PRKG1: variants seen among roughly 807,000 people sequenced by gnomAD.
The protein encoded by PRKG1 is cGMP-dependent protein kinase 1.
Under a neutral mutation model 88.1 loss-of-function variants are expected in PRKG1, and 35 were observed. The ratio of observed to expected loss-of-function variants is 0.40; its 90% CI spans 0.30 to 0.53. PRKG1 has a LOEUF of 0.53. PRKG1 is among the 20% of genes least tolerant of loss of function. The pLI, the probability that PRKG1 is intolerant of heterozygous loss-of-function variation, is 0.59. For missense variants in PRKG1, 540 were observed against 839.8 expected, an observed-to-expected ratio of 0.64 and a Z score of 4.41; for synonymous variants, 303 against 292.5, an observed-to-expected ratio of 1.04 and a Z score of -0.37.
chr10:51,649,849 C>A (rs1168481218), intron 3 of PRKG1, among the ~76,000 whole-genome samples: 2 of 152,208 alleles, frequency 1.3e-5, no homozygotes, highest in African/African-American at 4.8e-5. Context: ...CGCAATCAGT[C>A]TGATTGGTTG....
chr10:51,814,058 GT>G (rs1267351304), intron 4 of PRKG1, among the ~76,000 whole-genome samples: 1 of 152,154 alleles, frequency 6.6e-6, no homozygotes, highest in Non-Finnish European at 1.5e-5. Flanking sequence ...CAGGATCAGT[GT>G]CTTCTGCAGA....
chr10:51,698,909 C>T lies in PRKG1; in HGVS notation c.593-105676C>T, dbSNP rs750365324. ...GCAGAGCCCAGGGCCAGGGCCAGGG[C>T]CAGGGCCAGAGACAGACACAGACTG... On this transcript the variant is annotated intron_variant, in intron 3 of 17. Coordinates refer to ENST00000373980, the MANE Select transcript of PRKG1 (RefSeq NM_006258.4). 1.1e-5 allele frequency: 17 copies of T among 1,613,796 alleles called. No homozygotes were observed. In the East Asian group the frequency reaches 3.6e-4, roughly 34 times the overall value.
chr10:51,498,125 C>T (rs1045728144), intron 3 of PRKG1, among the ~76,000 whole-genome samples: 14 of 152,134 alleles, frequency 9.2e-5, no homozygotes, highest in Admixed American at 6.5e-4. Flanking sequence ...AGAACCTATT[C>T]GGTGTCAAGC....
intron 5 of PRKG1, among the ~76,000 whole-genome samples, chr10:52,040,192 C>A (rs960428321): frequency 6.6e-6 from 1 of 152,158 alleles, no homozygotes; most frequent in Non-Finnish European, 1.5e-5. Context: ...ATACATTTGA[C>A]CTGCTCCACT....
intron 7 of PRKG1, among the ~76,000 whole-genome samples, chr10:52,080,727 T>C (rs1904025): frequency 0.18 from 27,884 of 152,116 alleles, 3,188 homozygotes; most frequent in South Asian, 0.33. Flanking sequence ...TATTTTCTCC[T>C]TTTTTTATTA....
At chr10:51,420,128 TG>T (rs1838367661) in intron 2 of PRKG1, among the ~76,000 whole-genome samples, 1 of 152,066 alleles carries the variant, frequency 6.6e-6, no homozygotes, top group African/African-American at 2.4e-5. Context: ...AAATGGAAAC[TG>T]GGGGAGACCT....
At chr10:50,999,381 A>T (rs536043158) in intron 1 of PRKG1, among the ~76,000 whole-genome samples, 32 of 152,326 alleles carry the variant, frequency 2.1e-4, no homozygotes, top group African/African-American at 7.5e-4. Flanking sequence ...TGACTACTGT[A>T]ATCAGCTTGT....
At chr10:51,970,780 G>GATTATATAT (rs1843694866) in intron 5 of PRKG1, among the ~76,000 whole-genome samples, 2 of 142,526 alleles carry the variant, frequency 1.4e-5, no homozygotes, top group African/African-American at 5.2e-5. Flanking sequence ...ATATATATCA[G>GATTATATAT]ATATATCAGA....
In PRKG1 at chr10:51,885,676, A is replaced by G. The variant is rs530928808; in HGVS notation, c.699-21831A>G. Among the ~76,000 whole-genome samples, 55 of 152,240 alleles carry G rather than the reference A, an allele frequency of 3.6e-4. 2 individuals are homozygous for G. The East Asian group carries it at 0.01, about 28-fold the overall frequency. ...TGTTTCACACCTCCGTGTCTTTATT[A>G]TACTCTGTTCCCAGTTCTGGAATGC... On this transcript the variant is annotated intron_variant, in intron 4 of 17. Coordinates refer to ENST00000373980, the MANE Select transcript of PRKG1 (RefSeq NM_006258.4).
rs762476637 is a variant in PRKG1 at position 51,214,724 on chromosome 10, C to T, written c.478+61394C>T. On this transcript the variant is annotated intron_variant, in intron 2 of 17. Transcript: ENST00000373980. ...AACCGCTGAGCTCAAGCAGTCCTCC[C>T]GCTTGGCCTGCCAAAGTGCTGGGAT... Among the ~76,000 whole-genome samples, 15 of 152,078 alleles carry T rather than the reference C, an allele frequency of 9.9e-5. No homozygotes were observed. In the East Asian group the frequency reaches 1.5e-3, roughly 16 times the overall value.
chr10:51,099,409 A>ACACACACACACT (rs1464228719), intron 1 of PRKG1, among the ~76,000 whole-genome samples: 4 of 151,336 alleles, frequency 2.6e-5, no homozygotes, highest in African/African-American at 9.7e-5. Flanking sequence ...ACACACACAC[A>ACACACACACACT]CACTCACTCA....
In PRKG1 at chr10:52,062,604, A is replaced by T; in HGVS notation, c.908A>T (p.Asp303Val). ...PVFLRTLGKGDWFGEKALQGE... is the reference protein window; with the variant it reads ...PVFLRTLGKGVWFGEKALQGE... The stretch of plus-strand genomic sequence containing the variant: ...TTTCTTAGAACTTTAGGAAAAGGAG[A>T]CTGGTTTGGAGAGAAAGCCTTGCAG... The change falls in exon 7 of 18, where the codon GAC becomes GTC. Residue 303 changes from aspartate (D) to valine (V), a missense_variant. Asp to Val is a radical substitution (Grantham distance 152). Around this residue, in one of 5 missense-constraint regions of PRKG1, gnomAD observed 400 missense variants for 562.7 expected, o/e 0.71. Coordinates refer to ENST00000373980, the MANE Select transcript of PRKG1 (RefSeq NM_006258.4). 2 of 1,609,142 alleles carry T rather than the reference A, an allele frequency of 1.2e-6. No homozygotes were observed. The highest frequency in any genetic ancestry group is 1.7e-6 in the Non-Finnish European group (2 of 1,177,758).
intron 2 of PRKG1, among the ~76,000 whole-genome samples, chr10:51,354,429 A>G (rs1011784002): frequency 6.6e-6 from 1 of 152,126 alleles, no homozygotes; most frequent in Non-Finnish European, 1.5e-5. Context: ...CCTTATAAAC[A>G]TATACAGCTA....
chr10:51,770,018 A>C (rs1194559520), intron 3 of PRKG1, among the ~76,000 whole-genome samples: 1 of 152,212 alleles, frequency 6.6e-6, no homozygotes, highest in Non-Finnish European at 1.5e-5. Context: ...TCCCTAGGTT[A>C]ATGTATGTCT....
chr10:51,845,710 A>G (rs548055204), intron 4 of PRKG1, among the ~76,000 whole-genome samples: 102 of 152,098 alleles, frequency 6.7e-4, no homozygotes, highest in African/African-American at 2.3e-3. Context: ...TTACGGTATA[A>G]TCTCCCTTCT....
rs187680671 is a variant in PRKG1 at position 51,840,792 on chromosome 10, C to T, written c.698+36102C>T. ...GACTCCAGCCCTCAGGTGACCTGCC[C>T]GCCTTGGCCTCCCAAAGTGCTGGGA... is the stretch of plus-strand genomic sequence containing the variant. On this transcript the variant is annotated intron_variant, in intron 4 of 17. Transcript: ENST00000373980. Among the ~76,000 whole-genome samples the T allele has an allele frequency of 1.6e-3, 242 of 152,156 alleles. 1 individual carries two copies. The highest frequency in any genetic ancestry group is 2.8e-3 in the Non-Finnish European group (190 of 68,006).
chr10:51,546,955 T>C, intron 3 of PRKG1, among the ~76,000 whole-genome samples: 1 of 152,106 alleles, frequency 6.6e-6, no homozygotes. Context: ...TATTGAATCT[T>C]ATTAAAACCC....
chr10:52,034,287 G>C (rs1265960750), intron 5 of PRKG1, among the ~76,000 whole-genome samples: 2 of 140,914 alleles, frequency 1.4e-5, no homozygotes, highest in Non-Finnish European at 3.1e-5. Flanking sequence ...TTTGGGTGGT[G>C]GTATGGAGAG....
At chr10:51,473,179 C>G (rs530063588) in intron 3 of PRKG1, among the ~76,000 whole-genome samples, 6 of 151,892 alleles carry the variant, frequency 4.0e-5, no homozygotes, top group African/African-American at 1.4e-4. Flanking sequence ...TAACATAAAT[C>G]CAATTATGTA....
Sources: allele counts gnomAD v4.1 joint callset (sites outside exome capture counted in the v4.1 genomes callset), GRCh38; gene constraint gnomAD v4.1.1; regional missense constraint gnomAD v4.1.1; transcripts MANE v1.5; gene names NCBI Gene and HGNC (gene_info 2026-07-23, HGNC 2026-07-21).